ABCA3: variants seen among roughly 807,000 people sequenced by gnomAD.
The protein encoded by ABCA3 is phospholipid-transporting ATPase ABCA3.
A neutral mutation model predicts 172.8 loss-of-function variants in ABCA3; 88 were observed. The observed-to-expected ratio is 0.51, with a 90% CI of 0.43 to 0.61. ABCA3 has a LOEUF of 0.61. Among genes scored for constraint, ABCA3 ranks in the 20% least tolerant of loss-of-function variants. The pLI, the probability that ABCA3 is intolerant of heterozygous loss-of-function variation, is 0.00. For synonymous variants in ABCA3, 1,066 were observed against 983.8 expected (o/e 1.08, Z -1.56); for missense variants, 2,164 against 2,301.0 (o/e 0.94, Z 1.22).
Position 2,286,888 on chromosome 16 carries a change from G to C in ABCA3, c.3084C>G (p.Ser1028=). ...GFNERCLVAA[S]FRDVGERTVV... is the part of the protein sequence containing the mutation. ...CCGTGCGCTCTCCCACATCTCTGAA[G>C]GACGCTGCCACAAGGCACCGCTCAT... The change falls in exon 22 of 33, where the codon TCC becomes TCG. Residue 1028 remains serine (S), a synonymous_variant. Transcript: ENST00000301732. The surrounding 1 kb of genome is among the most constrained non-coding windows in gnomAD (Gnocchi z 5.2). 1.2e-6 allele frequency: 2 copies of C among 1,614,076 alleles called. No homozygotes were observed. The highest frequency in any genetic ancestry group is 1.7e-6 in the Non-Finnish European group (2 of 1,180,018).
In ABCA3 at chr16:2,317,688, A is replaced by T. The variant is rs1349348432; in HGVS notation, c.950T>A (p.Leu317His). 9 of 1,614,250 alleles carry T rather than the reference A, an allele frequency of 5.6e-6. No individual in the cohort carries two copies. The highest frequency in any genetic ancestry group is 1.7e-5 in the Admixed American group (1 of 60,030). Reference sequence around the variant, plus strand: ...CAGGGTCATGAAGGAGGCGGCGATGAGGAGGAAGAGGAAGAACAAGAGGAA... The same window carrying T: ...CAGGGTCATGAAGGAGGCGGCGATGTGGAGGAAGAGGAAGAACAAGAGGAA... Reference protein sequence around the residue: ...AWFLLFFLFLLIAASFMTLLF... With the variant: ...AWFLLFFLFLHIAASFMTLLF... The change falls in exon 9 of 33, where the codon CTC becomes CAC. Residue 317 changes from leucine (L) to histidine (H), a missense_variant. Physicochemically the swap from Leu to His is moderately conservative, Grantham distance 99. Transcript: ENST00000301732.
rs779803150 is a variant in ABCA3 at position 2,284,443 on chromosome 16, T to C, written c.3704-6A>G. 46 of 1,613,424 alleles carry C rather than the reference T, an allele frequency of 2.9e-5. No homozygotes were observed. The highest frequency in any genetic ancestry group is 1.7e-4 in the Middle Eastern group (1 of 6,060). On this transcript the variant is annotated splice_region_variant and splice_polypyrimidine_tract_variant and intron_variant, in intron 24 of 32. Transcript: ENST00000301732. This position sits in a 1 kb window ranked among gnomAD's most constrained non-coding sequence, Gnocchi z 5.9. ...AAGTTCTTCCAGTTTTACAGCTGCG[T>C]TGGGGAGGTAAGATCAGTCTGCGCT...
chr16:2,323,732 C>A (rs774988602), intron 6 of ABCA3, 44 bp from the exon 7 acceptor site: 1 of 1,612,652 alleles, frequency 6.2e-7, no homozygotes, highest in Admixed American at 1.7e-5. Flanking sequence ...GAGATCCAGA[C>A]AGAGGGGCAA....
intron 20 of ABCA3, chr16:2,288,948 T>C (rs2093667480): frequency 1.6e-5 from 3 of 193,192 alleles, no homozygotes; most frequent in Admixed American, 5.4e-5. Context: ...AGGAAACAGA[T>C]GGCCGAGCCT....
intron 3 of ABCA3, among the ~76,000 whole-genome samples, chr16:2,326,801 A>G (rs1385522161): frequency 1.3e-5 from 2 of 152,212 alleles, no homozygotes; most frequent in Non-Finnish European, 2.9e-5. Flanking sequence ...AAGCCTGGCC[A>G]ACATGGTGAA....
Position 2,291,844 on chromosome 16 carries a change from TG to T in ABCA3, c.2513+295del, listed in dbSNP as rs781026842. On this transcript the variant is annotated intron_variant, in intron 19 of 32. Transcript: ENST00000301732. ...ATACCAGCACTTTGGGAGGCCAAGGTGGGCGGATCACCTGAGGTCAGGAGTT... is the reference window on the plus strand; with the variant it reads ...ATACCAGCACTTTGGGAGGCCAAGGTGGCGGATCACCTGAGGTCAGGAGTT... Among the ~76,000 whole-genome samples, 13 of 150,688 alleles carry T rather than the reference TG, an allele frequency of 8.6e-5. No homozygotes were observed. In the East Asian group the frequency reaches 2.2e-3, roughly 26 times the overall value.
At chr16:2,331,847 A>T (rs189449033) in intron 1 of ABCA3, among the ~76,000 whole-genome samples, 42 of 152,296 alleles carry the variant, frequency 2.8e-4, no homozygotes, top group African/African-American at 1.0e-3. Flanking sequence ...TCTGCCCAGC[A>T]AGAGGACAAG....
chr16:2,302,882 G>A (rs1019997096), intron 12 of ABCA3, among the ~76,000 whole-genome samples: 3 of 151,190 alleles, frequency 2.0e-5, no homozygotes, highest in Admixed American at 6.6e-5. Flanking sequence ...TCCGCCTTCC[G>A]GGTTCAAGCA....
chr16:2,324,655 T>A, intron 5 of ABCA3, 124 bp from the exon 6 acceptor site: 2 of 1,411,746 alleles, frequency 1.4e-6, no homozygotes, highest in Non-Finnish European at 1.9e-6. Flanking sequence ...AAACCCTTCC[T>A]GAGACTCAAG....
intron 11 of ABCA3, among the ~76,000 whole-genome samples, chr16:2,308,239 G>C (rs901225250): frequency 6.6e-6 from 1 of 152,306 alleles, no homozygotes; most frequent in East Asian, 1.9e-4. Flanking sequence ...ATCACCTCCT[G>C]CTGTGCCGTG....
intron 1 of ABCA3, among the ~76,000 whole-genome samples, chr16:2,334,749 C>G (rs2141751546): frequency 6.6e-6 from 1 of 151,706 alleles, no homozygotes; most frequent in African/African-American, 2.4e-5. Context: ...AACTCCTGAA[C>G]TCAGGTGATC....
At chr16:2,322,176 G>A (rs1450626857) in intron 7 of ABCA3, among the ~76,000 whole-genome samples, 52 of 148,798 alleles carry the variant, frequency 3.5e-4, no homozygotes, top group Non-Finnish European at 4.4e-5. Flanking sequence ...CCAGCTTGGC[G>A]ACAGAGCAAG....
In ABCA3 at chr16:2,332,374, C is replaced by G. The variant is rs537541869; in HGVS notation, c.-538-2520G>C. The G allele has an allele frequency of 1.1e-4, 102 of 898,206 alleles. No homozygotes were observed. In the African/African-American group the frequency reaches 1.6e-3, roughly 14 times the overall value. 55.6% of individuals were successfully genotyped at this position (898,206 alleles called of 1,614,324 possible). On this transcript the variant is annotated intron_variant, in intron 1 of 32. Transcript: ENST00000301732. ...AGGGCTTCTAAACTTTTTGGACTCG[C>G]AGGGACGGGGATCAGCTACCAGCAG... is the stretch of plus-strand genomic sequence containing the variant.
chr16:2,324,548 C>G lies in ABCA3; in HGVS notation c.320-17G>C. 2 of 1,607,672 alleles carry G rather than the reference C, an allele frequency of 1.2e-6. No homozygotes were observed. The highest frequency in any genetic ancestry group is 2.2e-5 in the East Asian group (1 of 44,866). Reference sequence around the variant, plus strand: ...AGCCGCGCACTGCAAAGAGAGAGCACGGGAGCTGTGGTTGCCCAATCGGCC... The same window carrying G: ...AGCCGCGCACTGCAAAGAGAGAGCAGGGGAGCTGTGGTTGCCCAATCGGCC... On this transcript the variant is annotated splice_polypyrimidine_tract_variant and intron_variant, in intron 5 of 32. Coordinates refer to ENST00000301732, the MANE Select transcript of ABCA3 (RefSeq NM_001089.3).
intron 10 of ABCA3, among the ~76,000 whole-genome samples, chr16:2,316,409 C>T (rs532785909): frequency 7.2e-6 from 1 of 139,366 alleles, no homozygotes; most frequent in African/African-American, 2.7e-5. Context: ...CTTTGGGAAG[C>T]CAAGGAGTAT....
chr16:2,289,074 C>CT, intron 20 of ABCA3: 1 of 280,426 alleles, frequency 3.6e-6, no homozygotes, highest in Non-Finnish European at 6.9e-6. Flanking sequence ...CTCTGTGACT[C>CT]TGTCACATCT....
At chr16:2,311,438 C>T (rs1031534630) in intron 10 of ABCA3, among the ~76,000 whole-genome samples, 7 of 152,282 alleles carry the variant, frequency 4.6e-5, no homozygotes, top group African/African-American at 1.4e-4. Context: ...GCAGTAATTT[C>T]GGAAAGGTTA....
chr16:2,306,486 C>T (rs1233133245), intron 11 of ABCA3, among the ~76,000 whole-genome samples: 1 of 152,224 alleles, frequency 6.6e-6, no homozygotes, highest in African/African-American at 2.4e-5. Flanking sequence ...TGGACACTCC[C>T]ACCTCCTTCC....
intron 1 of ABCA3, among the ~76,000 whole-genome samples, chr16:2,330,288 CAAAAAA>C (rs562749881): frequency 1.3e-5 from 1 of 77,906 alleles, no homozygotes. Flanking sequence ...GACCCTGTCT[CAAAAAA>C]AAAAAAAAAA....
Sources: gnomAD v4.1 joint callset for allele counts (sites outside exome capture counted in the v4.1 genomes callset) on GRCh38, gnomAD v4.1.1 for gene constraint, Gnocchi (gnomAD v3.1) non-coding constraint, MANE v1.5 for transcripts, NCBI Gene and HGNC (gene_info 2026-07-23, HGNC 2026-07-21) for gene names.